The following STK32A variants were observed in gnomAD, a reference collection of about 807,000 sequenced individuals.
The protein encoded by STK32A is serine/threonine-protein kinase 32A.
STK32A carries 41 observed loss-of-function variants against 53.2 expected under a neutral mutation model. The observed-to-expected ratio is 0.77, with a 90% CI of 0.60 to 1.00. STK32A has a LOEUF of 1.00. Among genes scored for constraint, STK32A ranks in the 50% least tolerant of loss-of-function variants. STK32A has a pLI of 0.00. For missense variants in STK32A, 458 were observed against 485.8 expected, an observed-to-expected ratio of 0.94 and a Z score of 0.54; for synonymous variants, 166 against 162.8, an observed-to-expected ratio of 1.02 and a Z score of -0.15.
intron 1 of STK32A, among the ~76,000 whole-genome samples, chr5:147,237,346 T>C (rs1175275882): frequency 6.6e-6 from 1 of 152,082 alleles, no homozygotes; most frequent in East Asian, 1.9e-4. Context: ...TTTAGGACCA[T>C]TCATCTCTTT....
At chr5:147,333,540 T>C (rs908466765) in intron 5 of STK32A, among the ~76,000 whole-genome samples, 24 of 152,180 alleles carry the variant, frequency 1.6e-4, no homozygotes, top group African/African-American at 5.5e-4. Context: ...GGCAAGACAC[T>C]AAGCACCTCT....
At chr5:147,255,106 T>C (rs11167973) in intron 2 of STK32A, among the ~76,000 whole-genome samples, 117,592 of 152,098 alleles carry the variant, frequency 0.77, 45,804 homozygotes, top group African/African-American at 0.84. Context: ...TGCCATTGCA[T>C]GCCAGCCTGG....
intron 4 of STK32A, among the ~76,000 whole-genome samples, chr5:147,305,521 T>C (rs1753363404): frequency 6.6e-6 from 1 of 152,156 alleles, no homozygotes; most frequent in Non-Finnish European, 1.5e-5. Flanking sequence ...CTTGGCTGTC[T>C]CCTGTCTCTA....
At chr5:147,265,083 T>TTA (rs1261112275) in intron 2 of STK32A, among the ~76,000 whole-genome samples, 1 of 72,052 alleles carries the variant, frequency 1.4e-5, no homozygotes, top group Non-Finnish European at 2.7e-5. Flanking sequence ...CATATTCGTT[T>TTA]TATATATATG....
At chr5:147,312,563 T>C (rs912961049) in intron 4 of STK32A, among the ~76,000 whole-genome samples, 3 of 152,228 alleles carry the variant, frequency 2.0e-5, no homozygotes, top group African/African-American at 4.8e-5. Flanking sequence ...GTGGGTGCGA[T>C]CACTTATATG....
intron 2 of STK32A, among the ~76,000 whole-genome samples, chr5:147,242,131 C>T (rs558867675): frequency 1.1e-4 from 17 of 152,298 alleles, no homozygotes; most frequent in African/African-American, 4.1e-4. Context: ...CTCTAGGTCA[C>T]CACCTTTTCT....
rs34114519 is a variant in STK32A, at chr5:147,358,271, G to C, written c.563-3246G>C. Among the ~76,000 whole-genome samples the C allele has an allele frequency of 3.3e-3, 500 of 152,158 alleles. 6 individuals carry two copies. The highest frequency in any genetic ancestry group is 0.024 in the Middle Eastern group (7 of 294). On this transcript the variant is annotated intron_variant, in intron 7 of 12. Coordinates refer to ENST00000397936, the MANE Select transcript of STK32A (RefSeq NM_001112724.2). ...CACACTCACCAGATTGGCAATAAAG[G>C]GTCAGTTATTGCCAAGTGTGGGTAA...
intron 2 of STK32A, among the ~76,000 whole-genome samples, chr5:147,254,715 G>T (rs1329420175): frequency 1.3e-5 from 2 of 152,260 alleles, no homozygotes; most frequent in South Asian, 2.1e-4. Context: ...AGAATGACGG[G>T]GTGAGGGCTT....
chr5:147,394,169 G>A, the STK32A span: 1 of 1,591,992 alleles, frequency 6.3e-7, no homozygotes, highest in Non-Finnish European at 8.6e-7. Context: ...AAACAGAGTG[G>A]CGGGTAGGGG....
chr5:147,366,032 T>TAC (rs61026081), intron 8 of STK32A, among the ~76,000 whole-genome samples: 2,706 of 149,374 alleles, frequency 0.018, 54 homozygotes, highest in African/African-American at 0.049. Flanking sequence ...TCCCCAGTGC[T>TAC]ACACACACAC....
chr5:147,366,302 G>A (rs1307460680), intron 8 of STK32A, among the ~76,000 whole-genome samples: 4 of 151,984 alleles, frequency 2.6e-5, no homozygotes, highest in African/African-American at 4.8e-5. Context: ...GGCAAACCTT[G>A]GTCTTCTTTA....
intron 4 of STK32A, among the ~76,000 whole-genome samples, chr5:147,280,869 C>G (rs540370550): frequency 2.0e-5 from 3 of 152,296 alleles, no homozygotes; most frequent in East Asian, 3.9e-4. Flanking sequence ...GCTAAGAACC[C>G]TTACAGAGTC....
At chr5:147,400,973 A>C in the STK32A span, 1 of 1,110,608 alleles carries the variant, frequency 9.0e-7, no homozygotes. Context: ...TACTAGATAT[A>C]TGAGCTTGGA....
At chr5:147,246,927 T>C (rs1753788899) in intron 2 of STK32A, among the ~76,000 whole-genome samples, 1 of 152,198 alleles carries the variant, frequency 6.6e-6, no homozygotes, top group African/African-American at 2.4e-5. Flanking sequence ...TTCTTTATGA[T>C]TTTTTAAAAC....
At chr5:147,249,177 T>C (rs1237905853) in intron 2 of STK32A, among the ~76,000 whole-genome samples, 1 of 152,162 alleles carries the variant, frequency 6.6e-6, no homozygotes, top group Non-Finnish European at 1.5e-5. Context: ...TTTGTATGTG[T>C]GTATGCTTAG....
At chr5:147,244,694 C>G (rs1753711405) in intron 2 of STK32A, among the ~76,000 whole-genome samples, 1 of 152,146 alleles carries the variant, frequency 6.6e-6, no homozygotes, top group Non-Finnish European at 1.5e-5. Context: ...CAAGAAAAGT[C>G]TCCAAACCTA....
intron 8 of STK32A, among the ~76,000 whole-genome samples, chr5:147,368,401 G>A (rs1756861947): frequency 6.6e-6 from 1 of 152,054 alleles, no homozygotes; most frequent in Admixed American, 6.6e-5. Flanking sequence ...TATATACTGT[G>A]ACTGCATACT....
At chr5:147,322,966 T>C (rs1280085940) in intron 4 of STK32A, among the ~76,000 whole-genome samples, 1 of 152,212 alleles carries the variant, frequency 6.6e-6, no homozygotes, top group Admixed American at 6.5e-5. Flanking sequence ...TTTCCCCTCA[T>C]ACCTGTTGTT....
chr5:147,310,657 A>C (rs1291301718), intron 4 of STK32A, among the ~76,000 whole-genome samples: 1 of 152,234 alleles, frequency 6.6e-6, no homozygotes, highest in Non-Finnish European at 1.5e-5. Flanking sequence ...AAAAAGTATT[A>C]ACTTCTAACA....
Sources: gnomAD v4.1 joint callset for allele counts (sites outside exome capture counted in the v4.1 genomes callset) on GRCh38, gnomAD v4.1.1 for gene constraint, MANE v1.5 for transcripts, NCBI Gene and HGNC (gene_info 2026-07-23, HGNC 2026-07-21) for gene names.